The following EXOC4 variants were observed in gnomAD, a reference collection of about 807,000 sequenced individuals.
The protein encoded by EXOC4 is SEC8-like 1.
A neutral mutation model predicts 107.2 loss-of-function variants in EXOC4; 71 were observed. The ratio of observed to expected loss-of-function variants is 0.66; its 90% CI spans 0.55 to 0.81. The LOEUF (loss-of-function observed/expected upper bound fraction) is 0.81, where lower values mean the gene tolerates loss of function less well. EXOC4 is among the 30% of genes least tolerant of loss of function. The pLI, the probability that EXOC4 is intolerant of heterozygous loss-of-function variation, is 0.00. For missense variants in EXOC4, 1,108 were observed against 1,189.6 expected, an observed-to-expected ratio of 0.93 and a Z score of 1.01; for synonymous variants, 456 against 441.2, an observed-to-expected ratio of 1.03 and a Z score of -0.42.
At chr7:133,670,083 T>G (rs997577947) in intron 10 of EXOC4, among the ~76,000 whole-genome samples, 2 of 152,188 alleles carry the variant, frequency 1.3e-5, no homozygotes, top group Non-Finnish European at 2.9e-5. Flanking sequence ...ACATTAAGAT[T>G]GCAAATAACT....
chr7:133,575,088 AT>A (rs200558956), intron 9 of EXOC4, among the ~76,000 whole-genome samples: 62 of 151,796 alleles, frequency 4.1e-4, no homozygotes, highest in Middle Eastern at 3.4e-3. Flanking sequence ...TTTTAAATTG[AT>A]TTTTTTTTCC....
intron 9 of EXOC4, among the ~76,000 whole-genome samples, chr7:133,533,460 G>A (rs930633600): frequency 2.0e-5 from 3 of 151,974 alleles, no homozygotes; most frequent in African/African-American, 7.2e-5. Context: ...TAAATCTTTC[G>A]GAATTAAATT....
At chr7:133,502,517 C>T (rs1799593807) in intron 9 of EXOC4, among the ~76,000 whole-genome samples, 1 of 151,980 alleles carries the variant, frequency 6.6e-6, no homozygotes. Flanking sequence ...TTTCTAAATG[C>T]TAATTTGCTT....
chr7:133,304,241 A>T (rs955576051), intron 3 of EXOC4, among the ~76,000 whole-genome samples: 1 of 152,236 alleles, frequency 6.6e-6, no homozygotes, highest in African/African-American at 2.4e-5. Context: ...TTTCTCTGCT[A>T]GAGACCTGAG....
chr7:133,554,017 G>A (rs1272147106), intron 9 of EXOC4, among the ~76,000 whole-genome samples: 1 of 152,022 alleles, frequency 6.6e-6, no homozygotes, highest in Non-Finnish European at 1.5e-5. Flanking sequence ...TAGCTGTTTA[G>A]GGGAATGAAG....
At chr7:133,346,269 G>C (rs1795781169) in intron 5 of EXOC4, among the ~76,000 whole-genome samples, 1 of 151,996 alleles carries the variant, frequency 6.6e-6, no homozygotes, top group Non-Finnish European at 1.5e-5. Context: ...TGGCTCACCT[G>C]GCCTGTGGAG....
chr7:133,905,043 A>G (rs12707128), intron 12 of EXOC4, among the ~76,000 whole-genome samples: 63,731 of 152,074 alleles, frequency 0.42, 13,800 homozygotes, highest in South Asian at 0.61. Context: ...TACAATTCAA[A>G]TGATCCAAAA....
At chr7:133,287,694 T>A (rs886266940) in intron 2 of EXOC4, among the ~76,000 whole-genome samples, 1 of 152,160 alleles carries the variant, frequency 6.6e-6, no homozygotes, top group African/African-American at 2.4e-5. Context: ...AGAAGCATGA[T>A]TTAGGTGTTG....
chr7:133,556,012 C>T lies in EXOC4; in HGVS notation c.1418-74033C>T, dbSNP rs571327311. Among the ~76,000 whole-genome samples the T allele has an allele frequency of 6.6e-5, 10 of 152,234 alleles. No homozygotes were observed. The East Asian group carries it at 1.4e-3, about 21-fold the overall frequency. ...TTAACTTGTCACCAGCTATGTTCTT[C>T]GTGGATTGTTTGTTGTAACTTTAAT... is the stretch of plus-strand genomic sequence containing the variant. On this transcript the variant is annotated intron_variant, in intron 9 of 17. Coordinates refer to ENST00000253861, the MANE Select transcript of EXOC4 (RefSeq NM_021807.4).
chr7:133,915,340 G>A (rs1427150037), intron 12 of EXOC4, among the ~76,000 whole-genome samples: 7 of 152,210 alleles, frequency 4.6e-5, no homozygotes, highest in South Asian at 4.2e-4. Context: ...GAGATAGGTC[G>A]GGGAGAAAAG....
At chr7:133,476,769 A>G (rs73726904) in intron 8 of EXOC4, among the ~76,000 whole-genome samples, 11,565 of 152,288 alleles carry the variant, frequency 0.076, 1,458 homozygotes, top group African/African-American at 0.26. Context: ...AGATTGAACT[A>G]TAGGAAAGTT....
At chr7:133,687,132 G>C (rs1247609530) in intron 10 of EXOC4, among the ~76,000 whole-genome samples, 2 of 151,840 alleles carry the variant, frequency 1.3e-5, no homozygotes, top group Admixed American at 6.6e-5. Context: ...GACTATTATT[G>C]TAAGTGAAGT....
intron 9 of EXOC4, chr7:133,576,546 A>C: frequency 2.3e-6 from 3 of 1,289,686 alleles, no homozygotes; most frequent in Non-Finnish European, 3.0e-6. Flanking sequence ...AGCAAAACCA[A>C]AATGAGCAAA....
intron 11 of EXOC4, among the ~76,000 whole-genome samples, chr7:133,826,783 A>G (rs1371448034): frequency 6.6e-6 from 1 of 152,216 alleles, no homozygotes; most frequent in Non-Finnish European, 1.5e-5. Context: ...CAGTATAAGA[A>G]CCTGGCAATA....
intron 1 of EXOC4, 31 bp downstream of exon 1, chr7:133,253,218 C>T: frequency 6.2e-7 from 1 of 1,605,094 alleles, no homozygotes; most frequent in Non-Finnish European, 8.5e-7. Context: ...GGTCTGGGGA[C>T]TGGGGGCAGC....
At chr7:133,593,371 A>T (rs1405648273) in intron 9 of EXOC4, among the ~76,000 whole-genome samples, 2 of 152,206 alleles carry the variant, frequency 1.3e-5, no homozygotes, top group Non-Finnish European at 2.9e-5. Flanking sequence ...AATTAACTCC[A>T]GTAATCCTTA....
At chr7:133,497,889 A>C (rs190184381) in intron 9 of EXOC4, among the ~76,000 whole-genome samples, 2 of 152,286 alleles carry the variant, frequency 1.3e-5, no homozygotes, top group East Asian at 1.9e-4. Context: ...GGAAGCTGAA[A>C]GGGGCTTTGG....
At chr7:133,262,017 A>G (rs1211765685) in intron 1 of EXOC4, among the ~76,000 whole-genome samples, 3 of 152,126 alleles carry the variant, frequency 2.0e-5, no homozygotes, top group East Asian at 1.9e-4. Flanking sequence ...TGCAGATTCT[A>G]ACCACCTTAA....
At chr7:133,895,953 A>G (rs942802413) in intron 12 of EXOC4, among the ~76,000 whole-genome samples, 1 of 152,216 alleles carries the variant, frequency 6.6e-6, no homozygotes, top group Non-Finnish European at 1.5e-5. Context: ...AGGACTACCA[A>G]TGCATGGCTC....
Sources: gnomAD v4.1 joint callset for allele counts (sites outside exome capture counted in the v4.1 genomes callset) on GRCh38, gnomAD v4.1.1 for gene constraint, MANE v1.5 for transcripts, NCBI Gene and HGNC (gene_info 2026-07-23, HGNC 2026-07-21) for gene names.